The following CDH19 variants were observed in gnomAD, a reference collection of about 807,000 sequenced individuals.
CDH19 encodes the protein cadherin-19.
In CDH19, 67 loss-of-function variants were observed where a neutral mutation model predicts 64.2. The observed-to-expected ratio is 1.04, with a 90% CI of 0.86 to 1.28. CDH19 has a LOEUF of 1.28. Among genes scored for constraint, CDH19 ranks in the 50% most tolerant of loss-of-function variants. The pLI is 0.00. For synonymous variants in CDH19, 346 were observed against 319.3 expected (o/e 1.08, Z -0.89); for missense variants, 1,030 against 929.0 (o/e 1.11, Z -1.41).
chr18:66,563,485 T>C (rs1987796953), intron 3 of CDH19, among the ~76,000 whole-genome samples: 1 of 152,024 alleles, frequency 6.6e-6, no homozygotes, highest in South Asian at 2.1e-4. Context: ...TTCAATGTTA[T>C]ACAGATCAAA....
intron 5 of CDH19, among the ~76,000 whole-genome samples, chr18:66,549,741 CT>C (rs1402306598): frequency 6.6e-6 from 1 of 152,078 alleles, no homozygotes; most frequent in Non-Finnish European, 1.5e-5. Context: ...CATATGTTGG[CT>C]ACACTGAGTA....
intron 1 of CDH19, among the ~76,000 whole-genome samples, chr18:66,582,811 G>A (rs551934683): frequency 1.3e-5 from 2 of 152,094 alleles, no homozygotes; most frequent in South Asian, 4.1e-4. Context: ...TTTTGGGCTG[G>A]ATATCATGAA....
rs1985063595 is a variant in CDH19 at position 66,504,123 on chromosome 18, A to G, written c.*689T>C. On this transcript the variant is annotated 3_prime_UTR_variant, in exon 12 of 12. Transcript: ENST00000262150. ...ATTAGATGACATTGAAAAATAGTAG[A>G]GGAATATTTTAGTCATATGCCAGAG... is the stretch of plus-strand genomic sequence containing the variant. 1 of 152,002 alleles carries G rather than the reference A, an allele frequency of 6.6e-6. No homozygotes were observed. The highest frequency in any genetic ancestry group is 2.4e-5 in the African/African-American group (1 of 41,536). The allele number at this position is 152,002 out of a possible 1,614,324, so 9.4% of individuals were successfully genotyped here. A position where few individuals can be genotyped will look rare whatever the true frequency, so the allele number is the denominator to read the frequency against.
intron 5 of CDH19, 152 bp from the exon 6 acceptor site, chr18:66,545,055 T>C (rs1300124919): frequency 9.3e-6 from 5 of 538,640 alleles, no homozygotes; most frequent in Non-Finnish European, 9.4e-6. Context: ...CTCGGTTCAC[T>C]GCAATCTCTG....
intron 3 of CDH19, among the ~76,000 whole-genome samples, chr18:66,563,832 C>G (rs1259534931): frequency 1.3e-5 from 2 of 151,882 alleles, no homozygotes; most frequent in African/African-American, 4.8e-5. Flanking sequence ...TGTCCATAGT[C>G]ACCTAAAAAC....
intron 6 of CDH19, 59 bp from the exon 7 acceptor site, chr18:66,544,283 A>G: frequency 6.6e-7 from 1 of 1,514,930 alleles, no homozygotes; most frequent in Non-Finnish European, 8.9e-7. Flanking sequence ...GATACTATTT[A>G]GAAAAAAGGT....
intron 9 of CDH19, among the ~76,000 whole-genome samples, chr18:66,517,244 CAACCA>C (rs1305011802): frequency 2.6e-5 from 4 of 151,996 alleles, no homozygotes; most frequent in African/African-American, 9.6e-5. Context: ...TCACAAAATG[CAACCA>C]CTGAAATTTA....
Position 66,597,746 on chromosome 18 carries a change from C to A in CDH19, c.-113+6208G>T, listed in dbSNP as rs115350265. ...TAAGGTACTTAAACAAATCAGCAAG[C>A]AAAAAACAAACAACCCCATTTAAAC... On this transcript the variant is annotated intron_variant, in intron 1 of 11. Transcript: ENST00000262150. 7.5e-3 allele frequency among the ~76,000 whole-genome samples: 1,133 copies of A among 151,872 alleles called. 14 individuals are homozygous for A. The highest frequency in any genetic ancestry group is 0.026 in the African/African-American group (1,082 of 41,456).
chr18:66,501,464 AT>A lies in CDH19; in HGVS notation c.*3347del, dbSNP rs1259011179. ...GGAAAATAGAAGTGTTTGAAGGAAG[AT>A]TGCTTTAGTAACTGAGGAGGAGAGA... is the stretch of plus-strand genomic sequence containing the variant. On this transcript the variant is annotated 3_prime_UTR_variant, in exon 12 of 12. Transcript: ENST00000262150. 6.6e-6 allele frequency: 1 copy of A among 152,184 alleles called. No homozygotes were observed. The highest frequency in any genetic ancestry group is 2.4e-5 in the African/African-American group (1 of 41,464). The allele number at this position is 152,184 out of a possible 1,614,324, so 9.4% of individuals were successfully genotyped here. A position where few individuals can be genotyped will look rare whatever the true frequency, so the allele number is the denominator to read the frequency against.
chr18:66,562,609 C>T lies in CDH19; in HGVS notation c.490+5807G>A, dbSNP rs562768615. ...TGTTGGGAACCCCTGACATAGGTGA[C>T]ACAGGATGTACACTTGTACCACGTG... is the stretch of plus-strand genomic sequence containing the variant. On this transcript the variant is annotated intron_variant, in intron 3 of 11. Transcript: ENST00000262150. Among the ~76,000 whole-genome samples, 22 of 152,158 alleles carry T rather than the reference C, an allele frequency of 1.4e-4. No homozygotes were observed. The East Asian group carries it at 4.1e-3, about 28-fold the overall frequency.
At chr18:66,522,096 G>A (rs144475825) in intron 9 of CDH19, among the ~76,000 whole-genome samples, 2,384 of 151,546 alleles carry the variant, frequency 0.016, 56 homozygotes, top group African/African-American at 0.05. Context: ...ACAGGCGCCC[G>A]CCACCATGCC....
chr18:66,602,079 A>G (rs1302909312), intron 1 of CDH19, among the ~76,000 whole-genome samples: 1 of 151,944 alleles, frequency 6.6e-6, no homozygotes, highest in Non-Finnish European at 1.5e-5. Context: ...TCGTGACAAC[A>G]AATTTTTCTT....
At chr18:66,547,445 A>T (rs1003364548) in intron 5 of CDH19, among the ~76,000 whole-genome samples, 2 of 152,040 alleles carry the variant, frequency 1.3e-5, no homozygotes, top group Non-Finnish European at 2.9e-5. Context: ...GCTGGGGGAA[A>T]AATTATGGTT....
At chr18:66,565,793 A>G (rs1013009992) in intron 3 of CDH19, among the ~76,000 whole-genome samples, 2 of 151,950 alleles carry the variant, frequency 1.3e-5, no homozygotes, top group Non-Finnish European at 1.5e-5. Flanking sequence ...TAACACTTCT[A>G]ATAGCAACTG....
chr18:66,509,244 T>G lies in CDH19; in HGVS notation c.1579A>C (p.Asn527His), dbSNP rs1568170273. The change falls in exon 11 of 12, where the codon AAC becomes CAC. Residue 527 changes from asparagine to histidine, a missense_variant and splice_region_variant. By Grantham distance (68) the Asn-to-His change is moderately conservative. Coordinates refer to ENST00000262150, the MANE Select transcript of CDH19 (RefSeq NM_021153.4). The part of the protein sequence containing the change: ...SSFTIIDNQD[N>H]TAVILTNRTG... ...CTATTAGTCAAAATGACAGCTGTGT[T>G]ATCTAAAACAAAAATCCATGTGCAT... The G allele has an allele frequency of 6.2e-7, 1 of 1,610,806 alleles. No individual in the cohort carries two copies. The highest frequency in any genetic ancestry group is 8.5e-7 in the Non-Finnish European group (1 of 1,178,126).
rs1987333450 is a variant in CDH19 at position 66,551,258 on chromosome 18, C to A, written c.611G>T (p.Gly204Val). ...CATTTTAGAAGATATTCTTATGACT[C>A]CTTTAAAAATATAATAAAATTCCAA... ...QPYFSVEPTT[G>V]VIRISSKMDR... The change falls in exon 5 of 12, where the codon GGA becomes GTA. Residue 204 changes from glycine (G) to valine (V), a missense_variant and splice_region_variant. By Grantham distance (109) the Gly-to-Val change is moderately radical. Transcript: ENST00000262150. The A allele has an allele frequency of 7.4e-7, 1 of 1,344,718 alleles. No individual in the cohort carries two copies. Among genetic ancestry groups the A allele is most frequent in the Non-Finnish European group, 1.1e-6 (1 of 946,602 alleles). The allele number at this position is 1,344,718 out of a possible 1,614,324, so 83.3% of individuals were successfully genotyped here.
intron 9 of CDH19, among the ~76,000 whole-genome samples, chr18:66,514,659 A>T (rs1000687629): frequency 7.9e-5 from 12 of 151,594 alleles, no homozygotes; most frequent in Non-Finnish European, 1.3e-4. Flanking sequence ...AACTATAATC[A>T]CTATTTGACT....
chr18:66,529,167 T>C (rs965992326), intron 9 of CDH19, among the ~76,000 whole-genome samples: 13 of 152,094 alleles, frequency 8.5e-5, no homozygotes, highest in African/African-American at 2.6e-4. Flanking sequence ...AATGAGTATG[T>C]TCTCATAAGT....
chr18:66,538,739 C>G (rs1456828330), intron 7 of CDH19, among the ~76,000 whole-genome samples: 2 of 152,002 alleles, frequency 1.3e-5, no homozygotes, highest in Non-Finnish European at 2.9e-5. Flanking sequence ...TCCTTTGAAG[C>G]CTGTAGGGGT....
Sources: gnomAD v4.1 joint callset for allele counts (sites outside exome capture counted in the v4.1 genomes callset) on GRCh38, gnomAD v4.1.1 for gene constraint, MANE v1.5 for transcripts, NCBI Gene and HGNC (gene_info 2026-07-23, HGNC 2026-07-21) for gene names.